The following RBM45 variants were observed in gnomAD, a reference collection of about 807,000 sequenced individuals.
RBM45 encodes RNA binding motif protein 45.
A neutral mutation model predicts 58.5 loss-of-function variants in RBM45; 39 were observed. The observed-to-expected ratio is 0.67, with a 90% CI of 0.52 to 0.87. The LOEUF (loss-of-function observed/expected upper bound fraction) is 0.87, where lower values mean the gene tolerates loss of function less well. RBM45 is among the 40% of genes least tolerant of loss of function. The pLI, the probability that RBM45 is intolerant of heterozygous loss-of-function variation, is 0.00. For missense variants in RBM45, 481 were observed against 581.6 expected (o/e 0.83, Z 1.78); for synonymous variants, 193 against 203.0 (o/e 0.95, Z 0.42).
intron 1 of RBM45, 32 bp from the exon 2 acceptor site, chr2:178,116,230 A>G (rs999677421): frequency 2.0e-6 from 3 of 1,538,284 alleles, no homozygotes; most frequent in Non-Finnish European, 8.7e-7. Flanking sequence ...AGTTGACATT[A>G]TTTTATTTTG....
At chr2:178,119,904 T>C (rs1238320625) in intron 3 of RBM45, among the ~76,000 whole-genome samples, 1 of 152,182 alleles carries the variant, frequency 6.6e-6, no homozygotes, top group Non-Finnish European at 1.5e-5. Flanking sequence ...GAGTAAAAGA[T>C]AGCATATTCC....
At chr2:178,128,901 TTA>T (rs2087971189) in intron 9 of RBM45, among the ~76,000 whole-genome samples, 1 of 152,186 alleles carries the variant, frequency 6.6e-6, no homozygotes, top group Non-Finnish European at 1.5e-5. Flanking sequence ...TTGCCAAATT[TTA>T]TATGATTGTG....
downstream of RBM45, among the ~76,000 whole-genome samples, chr2:178,132,139 A>G (rs961561320): frequency 3.9e-5 from 6 of 152,232 alleles, no homozygotes; most frequent in Admixed American, 1.3e-4. Context: ...AACATTTAAA[A>G]TAAGCCTGAT....
chr2:178,124,043 C>A, intron 7 of RBM45, 84 bp from the exon 8 acceptor site: 1 of 1,485,562 alleles, frequency 6.7e-7, no homozygotes, highest in Non-Finnish European at 9.2e-7. Context: ...ACATAGATGC[C>A]ATGATACATA....
chr2:178,127,918 A>C (rs2087953923), intron 9 of RBM45, among the ~76,000 whole-genome samples: 1 of 146,408 alleles, frequency 6.8e-6, no homozygotes. Flanking sequence ...TTTTCTAATG[A>C]TTATTTACAT....
intron 3 of RBM45, among the ~76,000 whole-genome samples, chr2:178,119,902 G>C (rs985356868): frequency 1.3e-5 from 2 of 152,292 alleles, no homozygotes; most frequent in Middle Eastern, 3.4e-3. Flanking sequence ...TAGAGTAAAA[G>C]ATAGCATATT....
exon 4 of RBM45, chr2:178,138,230 A>G (rs913624930): frequency 6.6e-5 from 10 of 152,136 alleles, no homozygotes; most frequent in Non-Finnish European, 1.3e-4. Context: ...AATGTTATAT[A>G]TTGTGCTTTA....
intron 2 of RBM45, among the ~76,000 whole-genome samples, chr2:178,116,733 G>T (rs982943226): frequency 2.0e-5 from 3 of 152,126 alleles, no homozygotes; most frequent in Non-Finnish European, 4.4e-5. Flanking sequence ...GTCGGAGTCT[G>T]GAGCCTGCTC....
intron 8 of RBM45, chr2:178,125,605 G>A: frequency 2.3e-6 from 1 of 426,864 alleles, no homozygotes; most frequent in Non-Finnish European, 4.7e-6. Context: ...AACGGCTCTA[G>A]AGCTATATTA....
rs560178324 is a variant in RBM45, at chr2:178,112,765, C to T, written c.219C>T (p.Phe73=). 2.4e-5 allele frequency: 39 copies of T among 1,613,986 alleles called. No individual in the cohort carries two copies. The South Asian group carries it at 4.2e-4, about 17-fold the overall frequency. Residue 73 remains phenylalanine (F), a synonymous_variant, in exon 1 of 10, where the codon TTC becomes TTT. Coordinates refer to ENST00000286070, the MANE Select transcript of RBM45 (RefSeq NM_152945.4). ...CCAAGGGCATTGCTTTCGTCAAGTTCGCCCGCAGCTCACAGGCCTGCAGGG... is the reference window on the plus strand; with the variant it reads ...CCAAGGGCATTGCTTTCGTCAAGTTTGCCCGCAGCTCACAGGCCTGCAGGG... ...KESKGIAFVK[F]ARSSQACRAM...
At chr2:178,119,196 C>T (rs1362810431) in intron 3 of RBM45, among the ~76,000 whole-genome samples, 1 of 151,922 alleles carries the variant, frequency 6.6e-6, no homozygotes, top group Non-Finnish European at 1.5e-5. Context: ...AAGTAAATGC[C>T]ATTTATAGTA....
intron 2 of RBM45, among the ~76,000 whole-genome samples, chr2:178,117,750 T>A (rs2087796398): frequency 6.6e-6 from 1 of 152,188 alleles, no homozygotes; most frequent in East Asian, 1.9e-4. Flanking sequence ...AGGATTTCAA[T>A]CTAGAAAGTT....
At chr2:178,112,924 G>C (rs994386741) in intron 1 of RBM45, 78 bp downstream of exon 1, 1 of 1,440,772 alleles carries the variant, frequency 6.9e-7, no homozygotes, top group African/African-American at 1.4e-5. Context: ...TGCTCTGCCG[G>C]GGTGAGGGAG....
chr2:178,136,187 G>A (rs2088043449), intron 3 of RBM45, among the ~76,000 whole-genome samples: 1 of 152,206 alleles, frequency 6.6e-6, no homozygotes, highest in Non-Finnish European at 1.5e-5. Context: ...GCGGGCGCCT[G>A]TAGTCCCAGC....
chr2:178,125,699 A>G, intron 8 of RBM45: 1 of 574,966 alleles, frequency 1.7e-6, no homozygotes, highest in Non-Finnish European at 3.4e-6. Context: ...TGTTTTAGAA[A>G]GATCACTCAG....
chr2:178,122,513 A>G (rs553019796), intron 5 of RBM45, among the ~76,000 whole-genome samples: 1 of 152,296 alleles, frequency 6.6e-6, no homozygotes, highest in East Asian at 1.9e-4. Flanking sequence ...CATATGCGTC[A>G]TTCTCTGTTC....
chr2:178,126,957 C>G (rs533180446), intron 9 of RBM45, among the ~76,000 whole-genome samples: 1 of 151,754 alleles, frequency 6.6e-6, no homozygotes, highest in African/African-American at 2.4e-5. Context: ...TTTTTTCCCC[C>G]GAGACGTCTC....
downstream of RBM45, among the ~76,000 whole-genome samples, chr2:178,133,643 G>A (rs1471117345): frequency 3.3e-5 from 5 of 152,070 alleles, no homozygotes; most frequent in African/African-American, 1.2e-4. Context: ...AATCAGTGAG[G>A]GCAAGAACAA....
chr2:178,128,956 A>G (rs2153906622), intron 9 of RBM45, among the ~76,000 whole-genome samples: 1 of 152,176 alleles, frequency 6.6e-6, no homozygotes, highest in African/African-American at 2.4e-5. Context: ...TTGTTTCTTT[A>G]ATTTTTAAAA....
Sources: gnomAD v4.1 joint callset for allele counts (sites outside exome capture counted in the v4.1 genomes callset) on GRCh38, gnomAD v4.1.1 for gene constraint, MANE v1.5 for transcripts, NCBI Gene and HGNC (gene_info 2026-07-23, HGNC 2026-07-21) for gene names.